The following OR2L13 variants were observed in gnomAD, a reference collection of about 807,000 sequenced individuals.
OR2L13 encodes the protein olfactory receptor family 2 subfamily L member 13.
A neutral mutation model predicts 15.3 loss-of-function variants in OR2L13; 14 were observed. The ratio of observed to expected loss-of-function variants is 0.91; its 90% CI spans 0.60 to 1.43. The LOEUF (loss-of-function observed/expected upper bound fraction) is 1.43, where lower values mean the gene tolerates loss of function less well. OR2L13 is among the 40% of genes most tolerant of loss of function. The pLI, the probability that OR2L13 is intolerant of heterozygous loss-of-function variation, is 0.00. For synonymous variants in OR2L13, 152 were observed against 142.9 expected (o/e 1.06, Z -0.45); for missense variants, 367 against 387.9 (o/e 0.95, Z 0.45).
chr1:248,033,187 A>G, the OR2L13 span, among the ~76,000 whole-genome samples: 11 of 152,168 alleles, frequency 7.2e-5, no homozygotes, highest in Non-Finnish European at 2.9e-5. Context: ...TCATTTTGCC[A>G]CTGACTATAC....
chr1:247,941,905 C>T, the OR2L13 span, among the ~76,000 whole-genome samples: 3 of 152,162 alleles, frequency 2.0e-5, no homozygotes, highest in African/African-American at 7.2e-5. Flanking sequence ...GAATCCCAAT[C>T]ATGATTAATT....
chr1:248,056,335 T>C, the OR2L13 span, among the ~76,000 whole-genome samples: 1 of 152,090 alleles, frequency 6.6e-6, no homozygotes, highest in Admixed American at 6.6e-5. Flanking sequence ...GAAGGGTTTT[T>C]GTGGGTCTCC....
chr1:248,031,401 GA>G, the OR2L13 span, among the ~76,000 whole-genome samples: 1 of 152,228 alleles, frequency 6.6e-6, no homozygotes, highest in African/African-American at 2.4e-5. Context: ...AGGTCTGGTA[GA>G]AAGAAAGACT....
the OR2L13 span, among the ~76,000 whole-genome samples, chr1:247,995,468 C>T: frequency 6.6e-6 from 1 of 152,134 alleles, no homozygotes; most frequent in African/African-American, 2.4e-5. Flanking sequence ...TATTCTTAGC[C>T]CATTGCATTT....
the OR2L13 span, among the ~76,000 whole-genome samples, chr1:247,983,461 A>G: frequency 1.3e-5 from 2 of 152,224 alleles, no homozygotes; most frequent in East Asian, 3.8e-4. Context: ...GAGAATTACA[A>G]AAATAAAAGC....
At chr1:248,046,799 TG>T in the OR2L13 span, 1 of 152,180 alleles carries the variant, frequency 6.6e-6, no homozygotes, top group South Asian at 2.1e-4. Context: ...TTAAAAACCA[TG>T]TATTTGTTTC....
chr1:248,099,907 T>G, exon 3 of OR2L13: 2 of 1,614,184 alleles, frequency 1.2e-6, no homozygotes, highest in Non-Finnish European at 1.7e-6. Context: ...CCATTTCTTC[T>G]GCGATGTCCC....
At chr1:248,059,983 G>C in the OR2L13 span, among the ~76,000 whole-genome samples, 1 of 151,488 alleles carries the variant, frequency 6.6e-6, no homozygotes, top group African/African-American at 2.4e-5. Context: ...AGGATGCAGT[G>C]AGCTATGATA....
At chr1:248,074,124 TA>T in the OR2L13 span, among the ~76,000 whole-genome samples, 2 of 152,056 alleles carry the variant, frequency 1.3e-5, no homozygotes, top group Admixed American at 6.6e-5. Context: ...ATAAAAAATT[TA>T]AAACTGAATA....
At chr1:248,003,285 C>T in the OR2L13 span, 1 of 1,575,782 alleles carries the variant, frequency 6.3e-7, no homozygotes, top group Non-Finnish European at 8.7e-7. Context: ...TTCTTGGACA[C>T]TCATCTCCAC....
At chr1:248,049,302 A>G in the OR2L13 span, among the ~76,000 whole-genome samples, 1 of 152,168 alleles carries the variant, frequency 6.6e-6, no homozygotes, top group Middle Eastern at 3.2e-3. Flanking sequence ...TCAACTCTAA[A>G]TTGAAGGATA....
chr1:248,044,824 A>AAC, the OR2L13 span, among the ~76,000 whole-genome samples: 3 of 82,714 alleles, frequency 3.6e-5, 1 homozygote, highest in Non-Finnish European at 6.0e-5. Flanking sequence ...AAAAAAAAAA[A>AAC]AAAAAAAAAA....
chr1:247,957,727 C>T, the OR2L13 span, among the ~76,000 whole-genome samples: 15 of 152,182 alleles, frequency 9.9e-5, no homozygotes, highest in South Asian at 4.2e-4. Context: ...AGTTTATTTG[C>T]GTAGAGGTGT....
At chr1:248,017,659 T>TG in the OR2L13 span, among the ~76,000 whole-genome samples, 58 of 152,102 alleles carry the variant, frequency 3.8e-4, no homozygotes, top group Non-Finnish European at 2.6e-4. Context: ...GGTGAGGAGA[T>TG]GGGGGTCCAG....
chr1:248,042,996 A>T, the OR2L13 span, among the ~76,000 whole-genome samples: 1 of 152,220 alleles, frequency 6.6e-6, no homozygotes, highest in Non-Finnish European at 1.5e-5. Context: ...AAGGTCTGAA[A>T]ATCTGCCACC....
At chr1:247,978,963 A>G in the OR2L13 span, among the ~76,000 whole-genome samples, 3 of 151,890 alleles carry the variant, frequency 2.0e-5, no homozygotes, top group African/African-American at 7.3e-5. Context: ...TTTCTGTCTC[A>G]TGTCCCCCAC....
At chr1:248,015,825 T>G in the OR2L13 span, among the ~76,000 whole-genome samples, 1 of 152,238 alleles carries the variant, frequency 6.6e-6, no homozygotes, top group African/African-American at 2.4e-5. Flanking sequence ...TCATACCAAC[T>G]TTAAGAGGAA....
the OR2L13 span, among the ~76,000 whole-genome samples, chr1:247,952,560 C>T: frequency 3.9e-5 from 6 of 152,306 alleles, no homozygotes; most frequent in East Asian, 7.7e-4. Context: ...AGCAAGATTT[C>T]TCCAGACACT....
chr1:248,074,380 G>A, the OR2L13 span, among the ~76,000 whole-genome samples: 4 of 141,140 alleles, frequency 2.8e-5, no homozygotes, highest in African/African-American at 8.6e-5. Flanking sequence ...GAGGTAAAAT[G>A]TGTTAAAAAA....
Sources: allele counts gnomAD v4.1 joint callset (sites outside exome capture counted in the v4.1 genomes callset), GRCh38; gene constraint gnomAD v4.1.1; transcripts MANE v1.5; gene names NCBI Gene and HGNC (gene_info 2026-07-23, HGNC 2026-07-21).